NEDD4: variants seen among roughly 807,000 people sequenced by gnomAD.
NEDD4 encodes NEDD4 E3 ubiquitin protein ligase, also known as E3 ubiquitin-protein ligase NEDD4.
In NEDD4, 99 loss-of-function variants were observed where a neutral mutation model predicts 144.9. The ratio of observed to expected loss-of-function variants is 0.68; its 90% CI spans 0.58 to 0.81. The LOEUF (loss-of-function observed/expected upper bound fraction) is 0.81, where lower values mean the gene tolerates loss of function less well. NEDD4 is among the 30% of genes least tolerant of loss of function. NEDD4 has a pLI of 0.00. For missense variants in NEDD4, 985 were observed against 1,065.9 expected (o/e 0.92, Z 1.06); for synonymous variants, 318 against 350.6 (o/e 0.91, Z 1.04).
At chr15:55,956,390 A>G (rs545247387) in intron 2 of NEDD4, among the ~76,000 whole-genome samples, 2 of 152,302 alleles carry the variant, frequency 1.3e-5, no homozygotes, top group South Asian at 4.1e-4. Context: ...GTAACCCAAT[A>G]GAGCAAAGAT....
intron 4 of NEDD4, among the ~76,000 whole-genome samples, chr15:55,942,379 T>C (rs2037023753): frequency 6.6e-6 from 1 of 152,150 alleles, no homozygotes; most frequent in Admixed American, 6.5e-5. Flanking sequence ...TCATGTCAAA[T>C]TGTAATCCCT....
In NEDD4 at chr15:55,926,312, TG is replaced by T. The variant is rs553957339; in HGVS notation, c.238-1614del. Among the ~76,000 whole-genome samples the T allele has an allele frequency of 1.9e-3, 287 of 152,248 alleles. 1 individual carries two copies. Among genetic ancestry groups the T allele is most frequent in the Middle Eastern group, 6.8e-3 (2 of 294 alleles). ...ACTCCTCAGGAGAGCTTTTCAGAGGTGGCTGACTCAGCTGGGAGAGATGTCC... is the reference window on the plus strand; with the variant it reads ...ACTCCTCAGGAGAGCTTTTCAGAGGTGCTGACTCAGCTGGGAGAGATGTCC... On this transcript the variant is annotated intron_variant, in intron 4 of 28. Coordinates refer to ENST00000435532, the MANE Select transcript of NEDD4 (RefSeq NM_006154.4).
In NEDD4 at chr15:55,830,016, G is replaced by C; in HGVS notation, c.2601-17C>G. On this transcript the variant is annotated splice_polypyrimidine_tract_variant and intron_variant, in intron 28 of 28. Coordinates refer to ENST00000435532, the MANE Select transcript of NEDD4 (RefSeq NM_006154.4). ...CGATTAAAACTGAAAGAACAGAGAG[G>C]AAGTGGTTATGAAAGACACTGACAA... 1 of 1,586,900 alleles carries C rather than the reference G, an allele frequency of 6.3e-7. No individual in the cohort carries two copies. The highest frequency in any genetic ancestry group is 8.6e-7 in the Non-Finnish European group (1 of 1,158,646).
chr15:55,989,916 A>G (rs1490120307), intron 1 of NEDD4, among the ~76,000 whole-genome samples: 1 of 152,016 alleles, frequency 6.6e-6, no homozygotes, highest in Admixed American at 6.6e-5. Flanking sequence ...CACCGATCAC[A>G]TTACCTCCGG....
Position 55,842,017 on chromosome 15 carries a change from A to G in NEDD4, c.1755T>C (p.Tyr585=), listed in dbSNP as rs1450827674. 6.2e-7 allele frequency: 1 copy of G among 1,614,240 alleles called. No individual in the cohort carries two copies. Among genetic ancestry groups the G allele is most frequent in the Admixed American group, 1.7e-5 (1 of 60,022 alleles). ...AGAACCATTCTCTGGCAACTCCTCC[A>G]TAATCCAATCCCTTTTCACCATCAA... is the stretch of plus-strand genomic sequence containing the variant. The part of the protein sequence containing the change: ...IEFDGEKGLD[Y]GGVAREWFFL... The change falls in exon 19 of 29, where the codon TAT becomes TAC. Residue 585 remains tyrosine (Y), a synonymous_variant. Transcript: ENST00000435532.
At chr15:55,951,345 T>C (rs1447317656) in intron 4 of NEDD4, 31 bp downstream of exon 4, 2 of 833,828 alleles carry the variant, frequency 2.4e-6, no homozygotes. Context: ...ACTTACTTTT[T>C]CCACTTTAGT....
intron 12 of NEDD4, 58 bp from the exon 13 acceptor site, chr15:55,852,601 C>T: frequency 1.9e-6 from 3 of 1,544,378 alleles, no homozygotes; most frequent in Non-Finnish European, 2.6e-6. Flanking sequence ...CCTTCTATCA[C>T]CCCCAAAAGT....
intron 5 of NEDD4, chr15:55,915,298 A>G (rs778852331): frequency 1.3e-6 from 2 of 1,586,846 alleles, no homozygotes; most frequent in Non-Finnish European, 1.7e-6. Context: ...CAAGAATTAG[A>G]CAGTTCATTT....
At position 55,838,099 on chromosome 15, in the gene NEDD4, ATACT is replaced by A. The variant is rs768652808; in HGVS notation, c.2201+4_2201+7del. On this transcript the variant is annotated splice_donor_5th_base_variant and intron_variant, in intron 23 of 28. Coordinates refer to ENST00000435532, the MANE Select transcript of NEDD4 (RefSeq NM_006154.4). ...ATCCAATAAAATACATACTAATAAA[ATACT>A]TACTAAATATATTCCTTTTTGTTCT... 4.8e-6 allele frequency: 7 copies of A among 1,456,634 alleles called. No individual in the cohort carries two copies. The highest frequency in any genetic ancestry group is 2.4e-5 in the East Asian group (1 of 41,224). 90.2% of individuals were successfully genotyped at this position (1,456,634 alleles called of 1,614,324 possible). A position where few individuals can be genotyped will look rare whatever the true frequency, so the allele number is the denominator to read the frequency against.
chr15:55,927,038 C>T (rs116403854), intron 4 of NEDD4, among the ~76,000 whole-genome samples: 4,203 of 145,954 alleles, frequency 0.029, 70 homozygotes, highest in Non-Finnish European at 0.035. Flanking sequence ...ATCGTGCCGC[C>T]GCACTGTCCA....
At chr15:55,843,621 T>A (rs2033614130) in intron 18 of NEDD4, among the ~76,000 whole-genome samples, 1 of 151,930 alleles carries the variant, frequency 6.6e-6, no homozygotes, top group East Asian at 1.9e-4. Flanking sequence ...AGGTTAGCTC[T>A]AAGGAAAAAA....
At chr15:55,919,094 T>C (rs2036523088) in intron 5 of NEDD4, among the ~76,000 whole-genome samples, 1 of 152,188 alleles carries the variant, frequency 6.6e-6, no homozygotes, top group African/African-American at 2.4e-5. Flanking sequence ...AGCTTCACTA[T>C]AAGCATCAGT....
chr15:55,961,752 A>G (rs2037430222), intron 2 of NEDD4, among the ~76,000 whole-genome samples: 1 of 152,090 alleles, frequency 6.6e-6, no homozygotes, highest in South Asian at 2.1e-4. Context: ...TACAGATGTG[A>G]GCCACCGCGC....
At chr15:55,892,737 T>C (rs2035612656) in intron 5 of NEDD4, among the ~76,000 whole-genome samples, 1 of 152,320 alleles carries the variant, frequency 6.6e-6, no homozygotes, top group South Asian at 2.1e-4. Context: ...TAGAGTTTTC[T>C]CTGACATAGT....
At chr15:55,943,507 C>T (rs963773813) in intron 4 of NEDD4, among the ~76,000 whole-genome samples, 23 of 152,090 alleles carry the variant, frequency 1.5e-4, no homozygotes, top group African/African-American at 4.3e-4. Context: ...TGTCTCAGGC[C>T]GCTGCTCTAG....
At chr15:55,846,283 C>A (rs1595741078) in intron 18 of NEDD4, among the ~76,000 whole-genome samples, 2 of 152,124 alleles carry the variant, frequency 1.3e-5, no homozygotes, top group African/African-American at 4.8e-5. Flanking sequence ...GAAAGTATAA[C>A]CCAATATGGC....
At chr15:55,964,724 T>C (rs1222666718) in intron 2 of NEDD4, among the ~76,000 whole-genome samples, 1 of 150,212 alleles carries the variant, frequency 6.7e-6, no homozygotes, top group African/African-American at 2.5e-5. Context: ...TGTGTGTGTG[T>C]GTGTGTCTGC....
At chr15:55,867,195 T>C (rs187169422) in intron 8 of NEDD4, among the ~76,000 whole-genome samples, 1 of 152,334 alleles carries the variant, frequency 6.6e-6, no homozygotes, top group East Asian at 1.9e-4. Flanking sequence ...GAATTTTATA[T>C]ATACAGTCAC....
intron 1 of NEDD4, among the ~76,000 whole-genome samples, chr15:55,967,558 G>C (rs2037537119): frequency 6.6e-6 from 1 of 151,680 alleles, no homozygotes; most frequent in South Asian, 2.1e-4. Flanking sequence ...GGTGTACACT[G>C]TACTACTTAT....
Sources: gnomAD v4.1 joint callset for allele counts (sites outside exome capture counted in the v4.1 genomes callset) on GRCh38, gnomAD v4.1.1 for gene constraint, MANE v1.5 for transcripts, NCBI Gene and HGNC (gene_info 2026-07-23, HGNC 2026-07-21) for gene names.